The following EEF1A2 variants were observed in gnomAD, a reference collection of about 807,000 sequenced individuals.
The protein encoded by EEF1A2 is elongation factor 1-alpha 2.
A neutral mutation model predicts 39.3 loss-of-function variants in EEF1A2; 5 were observed. That is an observed-to-expected ratio of 0.13 (90% CI 0.07 to 0.27). The LOEUF is 0.27. Ranked by LOEUF, EEF1A2 falls within the 10% of genes least tolerant of loss-of-function variation. EEF1A2 has a pLI of 1.00. For synonymous variants in EEF1A2, 287 were observed against 293.7 expected, an observed-to-expected ratio of 0.98 and a Z score of 0.23; for missense variants, 218 against 681.4, an observed-to-expected ratio of 0.32 and a Z score of 7.57.
At chr20:63,496,535 C>G (rs1215944295) in intron 2 of EEF1A2, 1 of 155,180 alleles carries the variant, frequency 6.4e-6, no homozygotes, top group Non-Finnish European at 1.4e-5. Flanking sequence ...CAGCTCCTTC[C>G]CGCTGCTCCA....
chr20:63,489,516 C>T (rs1185059013), intron 6 of EEF1A2, among the ~76,000 whole-genome samples: 1 of 152,094 alleles, frequency 6.6e-6, no homozygotes, highest in Non-Finnish European at 1.5e-5. Flanking sequence ...GGCACGGTGG[C>T]TCACACCTGT....
intron 6 of EEF1A2, 64 bp from the exon 7 acceptor site, chr20:63,489,216 G>T: frequency 6.5e-7 from 1 of 1,530,590 alleles, no homozygotes; most frequent in South Asian, 1.2e-5. Flanking sequence ...GGGCGCCAGA[G>T]CGGGGCTGGG....
In EEF1A2 at chr20:63,495,922, G is replaced by A. The variant is rs756478193; in HGVS notation, c.258C>T (p.Tyr86=). ...GGCCGGGGGCATCGATGATGGTGAT[G>A]TAGTACTTGGTGGTCTCGAACTTCC... The part of the protein sequence containing the change: ...SLWKFETTKY[Y]ITIIDAPGHR... Residue 86 remains tyrosine (Y), a synonymous_variant, in exon 3 of 8, where the codon TAC becomes TAT. Transcript: ENST00000217182. The A allele has an allele frequency of 1.2e-6, 2 of 1,613,418 alleles. No individual in the cohort carries two copies. The highest frequency in any genetic ancestry group is 1.1e-5 in the South Asian group (1 of 91,086).
chr20:63,494,805 G>C lies in EEF1A2; in HGVS notation c.621C>G (p.Asn207Lys). 6.2e-7 allele frequency: 1 copy of C among 1,608,566 alleles called. No individual in the cohort carries two copies. The highest frequency in any genetic ancestry group is 8.5e-7 in the Non-Finnish European group (1 of 1,177,338). The change falls in exon 4 of 8, where the codon AAC becomes AAG. Residue 207 changes from asparagine (N) to lysine (K), a missense_variant and splice_region_variant. Around this residue, in one of 4 missense-constraint regions of EEF1A2, gnomAD observed 79 missense variants for 172.3 expected, o/e 0.46. Transcript: ENST00000217182. ...HGDNMLEPSP[N>K]MPWFKGWKVE... The stretch of plus-strand genomic sequence containing the variant: ...CCGCCCCGCCCTAGCCGCCACTCAC[G>C]TTGGGGGAGGGCTCCAGCATGTTGT...
At chr20:63,493,104 A>G (rs2082398549) in intron 5 of EEF1A2, 33 bp downstream of exon 5, 1 of 1,540,364 alleles carries the variant, frequency 6.5e-7, no homozygotes, top group Non-Finnish European at 8.8e-7. Flanking sequence ...AGAGCTGGCC[A>G]GGCAGGAGCT....
rs1425597345 is a variant in EEF1A2, at chr20:63,493,335, C to T, written c.622-48G>A. The T allele has an allele frequency of 4.1e-6, 6 of 1,463,386 alleles. No homozygotes were observed. In the East Asian group the frequency reaches 1.6e-4, roughly 39 times the overall value. 90.7% of individuals were successfully genotyped at this position (1,463,386 alleles called of 1,614,324 possible). A position where few individuals can be genotyped will look rare whatever the true frequency, so the allele number is the denominator to read the frequency against. On this transcript the variant is annotated intron_variant, in intron 4 of 7. Transcript: ENST00000217182. The stretch of plus-strand genomic sequence containing the variant: ...ATCCGTTAAGAGACATTGGTGGCCT[C>T]CCCACCCTCAGGCCTCCCCAGGGTG...
Position 63,493,153 on chromosome 20 carries a change from G to C in EEF1A2, c.756C>G (p.Asp252Glu). The change falls in exon 5 of 8, where the codon GAC (aspartate) becomes GAG (glutamate). Residue 252 changes from aspartate (D) to glutamate (E), a missense_variant. Physicochemically the swap from Asp to Glu is conservative, Grantham distance 45. Coordinates refer to ENST00000217182, the MANE Select transcript of EEF1A2 (RefSeq NM_001958.5). The part of the protein sequence containing the change: ...TDKPLRLPLQ[D>E]VYKIGGIGTV... ...CTTGCTCACCGCCAATCTTGTACAC[G>C]TCCTGCAGCGGCAGGCGCAGGGGCT... 1 of 1,548,528 alleles carries C rather than the reference G, an allele frequency of 6.5e-7. No homozygotes were observed. The highest frequency in any genetic ancestry group is 8.7e-7 in the Non-Finnish European group (1 of 1,145,914).
chr20:63,488,925 C>A lies in EEF1A2; in HGVS notation c.1257G>T (p.Pro419=), dbSNP rs1306400554. ...PMCVESFSQY[P]PLGRFAVRDM... ...CGGACCACCCCGGCTCACCGAGAGG[C>A]GGGTACTGGGAGAAGCTCTCCACAC... The change falls in exon 7 of 8, where the codon CCG becomes CCT. Residue 419 remains proline (P), a synonymous_variant. Transcript: ENST00000217182. The A allele has an allele frequency of 1.2e-6, 2 of 1,609,658 alleles. No homozygotes were observed. The highest frequency in any genetic ancestry group is 1.1e-5 in the South Asian group (1 of 91,084).
At chr20:63,490,041 C>A (rs938117513) in intron 6 of EEF1A2, 3 of 162,692 alleles carry the variant, frequency 1.8e-5, no homozygotes, top group Admixed American at 1.7e-4. Flanking sequence ...CTCGGTGGCC[C>A]CCTCGGTGGT....
In EEF1A2 at chr20:63,495,040, T is replaced by C; in HGVS notation, c.386A>G (p.Lys129Arg). The C allele has an allele frequency of 6.2e-7, 1 of 1,612,688 alleles. No homozygotes were observed. Among genetic ancestry groups the C allele is most frequent in the Non-Finnish European group, 8.5e-7 (1 of 1,179,932 alleles). ...GGCATGCTCCCGCGTCTGCCCATTC[T>C]TGGAGATGCCCGCCTCGAACTCGCC... ...GVGEFEAGIS[K>R]NGQTREHALL... Residue 129 changes from lysine to arginine, a missense_variant, in exon 4 of 8, where the codon AAG becomes AGG. By Grantham distance (26) the Lys-to-Arg change is conservative. Transcript: ENST00000217182.
intron 6 of EEF1A2, 174 bp downstream of exon 6, chr20:63,490,305 T>A (rs2082372470): frequency 9.3e-6 from 7 of 753,546 alleles, no homozygotes; most frequent in Non-Finnish European, 4.2e-6. Context: ...GACCTCGTGA[T>A]CTGCCCGCCT....
chr20:63,491,962 ATGGATGG>A (rs2082384114), intron 5 of EEF1A2, among the ~76,000 whole-genome samples: 1 of 5,246 alleles, frequency 1.9e-4, no homozygotes, highest in Non-Finnish European at 3.2e-4. Context: ...GGGGAGGTGG[ATGGATGG>A]ATGGATGGAT....
chr20:63,493,271 C>A lies in EEF1A2; in HGVS notation c.638G>T (p.Gly213Val), dbSNP rs1390638586. 4 of 1,524,558 alleles carry A rather than the reference C, an allele frequency of 2.6e-6. No individual in the cohort carries two copies. In the African/African-American group the frequency reaches 5.5e-5, roughly 21 times the overall value. The allele number at this position is 1,524,558 out of a possible 1,614,324, so 94.4% of individuals were successfully genotyped here. A position where few individuals can be genotyped will look rare whatever the true frequency, so the allele number is the denominator to read the frequency against. ...EPSPNMPWFK[G>V]WKVERKEGNA... ...GCCCTCCTTACGCTCCACCTTCCAG[C>A]CCTTGAACCACGGCATCTGGACCAA... is the stretch of plus-strand genomic sequence containing the variant. Residue 213 changes from glycine (G) to valine (V), a missense_variant, in exon 5 of 8, where the codon GGC becomes GTC. Physicochemically the swap from Gly to Val is moderately radical, Grantham distance 109 (BLOSUM62 -3). This residue lies in a region of EEF1A2 where 79 missense variants were observed against 172.3 expected (regional missense o/e 0.46). Coordinates refer to ENST00000217182, the MANE Select transcript of EEF1A2 (RefSeq NM_001958.5).
rs929056149 is a variant in EEF1A2, at chr20:63,498,101, A to C, written c.-71-267T>G. 4.4e-6 allele frequency: 1 copy of C among 226,584 alleles called. No individual in the cohort carries two copies. Among genetic ancestry groups the C allele is most frequent in the Admixed American group, 5.5e-5 (1 of 18,228 alleles). 14.0% of individuals were successfully genotyped at this position (226,584 alleles called of 1,614,324 possible). On this transcript the variant is annotated intron_variant, in intron 1 of 7. Coordinates refer to ENST00000217182, the MANE Select transcript of EEF1A2 (RefSeq NM_001958.5). The surrounding 1 kb of genome is among the most constrained non-coding windows in gnomAD (Gnocchi z 4.1). ...TGGAGCCCGCGGGCTGCTCCTTGGG[A>C]AGGGGTTAGCCACCATTTGGAGAGA...
chr20:63,491,915 G>GAT (rs1209040677), intron 5 of EEF1A2, among the ~76,000 whole-genome samples: 120 of 59,542 alleles, frequency 2.0e-3, no homozygotes, highest in Non-Finnish European at 1.8e-3. Flanking sequence ...GATGGATGGG[G>GAT]GGATAGATGG....
chr20:63,490,382 C>T (rs2082372855), intron 6 of EEF1A2, 97 bp downstream of exon 6: 1 of 1,479,478 alleles, frequency 6.8e-7, no homozygotes, highest in Non-Finnish European at 9.1e-7. Flanking sequence ...CTGGTTTTCT[C>T]CCCACGCCAG....
chr20:63,489,872 ACAGT>A (rs1182890172), intron 6 of EEF1A2, among the ~76,000 whole-genome samples: 1 of 152,222 alleles, frequency 6.6e-6, no homozygotes, highest in Non-Finnish European at 1.5e-5. Flanking sequence ...GATGTCTCAG[ACAGT>A]AAGTTAACAA....
rs537234226 is a variant in EEF1A2, at chr20:63,496,351, C to A, written c.145-316G>T. On this transcript the variant is annotated intron_variant, in intron 2 of 7. Transcript: ENST00000217182. Reference sequence around the variant, plus strand: ...CCAGATGGGATAAACCCCTCCCGGGCGAGGGCTCCCCTTTATCTGAAGCTG... The same window carrying A: ...CCAGATGGGATAAACCCCTCCCGGGAGAGGGCTCCCCTTTATCTGAAGCTG... 5 of 357,198 alleles carry A rather than the reference C, an allele frequency of 1.4e-5. 1 individual carries two copies. In the Admixed American group the frequency reaches 2.2e-4, roughly 16 times the overall value. The allele number at this position is 357,198 out of a possible 1,614,324, so 22.1% of individuals were successfully genotyped here. A position where few individuals can be genotyped will look rare whatever the true frequency, so the allele number is the denominator to read the frequency against.
At chr20:63,491,403 C>T (rs548631593) in intron 5 of EEF1A2, among the ~76,000 whole-genome samples, 1 of 152,366 alleles carries the variant, frequency 6.6e-6, no homozygotes, top group Admixed American at 6.5e-5. Context: ...ACTGGGTCTC[C>T]ACCCTCACCT....
Sources: allele counts gnomAD v4.1 joint callset (sites outside exome capture counted in the v4.1 genomes callset), GRCh38; gene constraint gnomAD v4.1.1; regional missense constraint gnomAD v4.1.1; non-coding constraint Gnocchi (gnomAD v3.1); transcripts MANE v1.5; gene names NCBI Gene and HGNC (gene_info 2026-07-23, HGNC 2026-07-21).